Variants in ATP9B observed in about 807,000 individuals in gnomAD.
The protein encoded by ATP9B is probable phospholipid-transporting ATPase IIB.
ATP9B carries 110 observed loss-of-function variants against 146.1 expected under a neutral mutation model. That is an observed-to-expected ratio of 0.75 (90% CI 0.65 to 0.88). The LOEUF (loss-of-function observed/expected upper bound fraction) is 0.88, where lower values mean the gene tolerates loss of function less well. Ranked by LOEUF, ATP9B falls within the 40% of genes least tolerant of loss-of-function variation. ATP9B has a pLI of 0.00. For synonymous variants in ATP9B, 604 were observed against 569.7 expected, an observed-to-expected ratio of 1.06 and a Z score of -0.86; for missense variants, 1,499 against 1,496.4, an observed-to-expected ratio of 1.00 and a Z score of -0.03.
intron 7 of ATP9B, among the ~76,000 whole-genome samples, chr18:79,162,946 T>C (rs1424295451): frequency 6.6e-6 from 1 of 152,226 alleles, no homozygotes; most frequent in East Asian, 1.9e-4. Flanking sequence ...CATACACGAG[T>C]TGATCTTAAT....
intron 13 of ATP9B, among the ~76,000 whole-genome samples, chr18:79,291,181 A>G (rs1231265599): frequency 6.6e-6 from 1 of 151,124 alleles, no homozygotes; most frequent in Non-Finnish European, 1.5e-5. Flanking sequence ...TTTTTTTTTT[A>G]AGAAATCAGA....
chr18:79,311,931 T>G (rs2096654705), intron 15 of ATP9B, among the ~76,000 whole-genome samples: 1 of 152,226 alleles, frequency 6.6e-6, no homozygotes, highest in Non-Finnish European at 1.5e-5. Context: ...CTGTCCCCGG[T>G]GTGGCTGGGC....
chr18:79,324,246 T>G (rs2096732118), intron 15 of ATP9B, among the ~76,000 whole-genome samples: 1 of 152,172 alleles, frequency 6.6e-6, no homozygotes, highest in African/African-American at 2.4e-5. Flanking sequence ...TTTCTCTCAT[T>G]CTGTGGGTTT....
chr18:79,114,860 A>G (rs917408409), intron 4 of ATP9B: 1 of 152,820 alleles, frequency 6.5e-6, no homozygotes, highest in African/African-American at 2.4e-5. Context: ...TATATATCAA[A>G]GACCTGAAAA....
chr18:79,226,973 C>G (rs564347586), intron 11 of ATP9B, among the ~76,000 whole-genome samples: 3 of 152,178 alleles, frequency 2.0e-5, no homozygotes, highest in Non-Finnish European at 1.5e-5. Context: ...GCACCATATA[C>G]TAGGCACTGA....
Position 79,276,635 on chromosome 18 carries a change from C to T in ATP9B, c.1269-419C>T, listed in dbSNP as rs561334267. Among the ~76,000 whole-genome samples, 3 of 152,288 alleles carry T rather than the reference C, an allele frequency of 2.0e-5. No individual in the cohort carries two copies. In the South Asian group the frequency reaches 6.2e-4, roughly 32 times the overall value. ...TTGCGGGCATATACGGGCACACTCA[C>T]AACAGTCTGTTTTTCTGTCCCATCT... On this transcript the variant is annotated intron_variant, in intron 12 of 29. Transcript: ENST00000426216.
At chr18:79,209,791 A>C (rs1400155151) in intron 10 of ATP9B, 1 of 517,870 alleles carries the variant, frequency 1.9e-6, no homozygotes, top group Admixed American at 6.4e-5. Context: ...CTTTTAGTAC[A>C]TACATATCTT....
intron 11 of ATP9B, among the ~76,000 whole-genome samples, chr18:79,240,769 T>A (rs767347124): frequency 1.1e-4 from 17 of 151,964 alleles, no homozygotes; most frequent in Non-Finnish European, 2.1e-4. Context: ...AAAAAGAAGG[T>A]TCAACCAGAG....
rs897009272 is a variant in ATP9B, at chr18:79,228,538, A to G, written c.1107+14500A>G. 2.0e-5 allele frequency among the ~76,000 whole-genome samples: 3 copies of G among 152,224 alleles called. No individual in the cohort carries two copies. The South Asian group carries it at 6.2e-4, about 31-fold the overall frequency. On this transcript the variant is annotated intron_variant, in intron 11 of 29. Transcript: ENST00000426216. ...CATTGGTTGGGGATTAGAAATAAAC[A>G]CAGTCTTTAAAGAGATTATAATCAG...
intron 5 of ATP9B, among the ~76,000 whole-genome samples, chr18:79,138,311 G>T (rs540518322): frequency 3.2e-4 from 49 of 152,226 alleles, no homozygotes; most frequent in African/African-American, 1.1e-3. Context: ...AAACTAATAT[G>T]CTCAAGTGAC....
chr18:79,319,985 A>G (rs1490059535), intron 15 of ATP9B, among the ~76,000 whole-genome samples: 2 of 152,236 alleles, frequency 1.3e-5, no homozygotes, highest in African/African-American at 2.4e-5. Flanking sequence ...CTTTAAACTC[A>G]GAGCCCAGAT....
intron 5 of ATP9B, among the ~76,000 whole-genome samples, chr18:79,143,216 A>G (rs2094535203): frequency 6.6e-6 from 1 of 152,230 alleles, no homozygotes; most frequent in Non-Finnish European, 1.5e-5. Context: ...ATATTTAAGT[A>G]TATATGAAAC....
chr18:79,321,976 TGTG>T (rs1196692875), intron 15 of ATP9B, among the ~76,000 whole-genome samples: 1 of 152,208 alleles, frequency 6.6e-6, no homozygotes. Flanking sequence ...ATTTACAGCT[TGTG>T]GAGAAGAAGT....
intron 10 of ATP9B, among the ~76,000 whole-genome samples, chr18:79,208,214 T>C (rs926186377): frequency 1.2e-4 from 18 of 152,230 alleles, no homozygotes; most frequent in African/African-American, 3.1e-4. Flanking sequence ...CACTGCACTC[T>C]AGCCTGGGCG....
chr18:79,352,797 A>G (rs2096929421), intron 25 of ATP9B: 1 of 152,220 alleles, frequency 6.6e-6, no homozygotes, highest in Admixed American at 6.5e-5. Context: ...CTTCCTAAGC[A>G]TGAACATCGT....
chr18:79,262,767 A>G (rs2096157131), intron 12 of ATP9B, among the ~76,000 whole-genome samples: 1 of 152,224 alleles, frequency 6.6e-6, no homozygotes, highest in Non-Finnish European at 1.5e-5. Flanking sequence ...TCTAGCACTT[A>G]GCACCCGTAT....
At chr18:79,314,042 C>A (rs1256180140) in intron 15 of ATP9B, among the ~76,000 whole-genome samples, 3 of 152,144 alleles carry the variant, frequency 2.0e-5, no homozygotes, top group Non-Finnish European at 4.4e-5. Context: ...CACCAAAGTA[C>A]CGTTTTAAAA....
rs146580048 is a variant in ATP9B at position 79,359,422 on chromosome 18, T to A, written c.2972T>A (p.Met991Lys). ...CTGGACCAGGACGTGAAGCCAGAGATGGCGATGCTCTACCCGGAGCTGTAC... is the reference window on the plus strand; with the variant it reads ...CTGGACCAGGACGTGAAGCCAGAGAAGGCGATGCTCTACCCGGAGCTGTAC... ...LVLDQDVKPE[M>K]AMLYPELYKD... The change falls in exon 26 of 30, where the codon ATG becomes AAG. Residue 991 changes from methionine to lysine, a missense_variant. Transcript: ENST00000426216. The A allele has an allele frequency of 9.3e-5, 150 of 1,614,050 alleles. No individual in the cohort carries two copies. Among genetic ancestry groups the A allele is most frequent in the Non-Finnish European group, 1.2e-4 (141 of 1,179,938 alleles).
intron 11 of ATP9B, among the ~76,000 whole-genome samples, chr18:79,226,138 C>T (rs749866095): frequency 2.6e-5 from 4 of 152,234 alleles, no homozygotes; most frequent in Non-Finnish European, 5.9e-5. Context: ...GCTCTGCCGC[C>T]CTCTCTTCCT....
Sources: gnomAD v4.1 joint callset for allele counts (sites outside exome capture counted in the v4.1 genomes callset) on GRCh38, gnomAD v4.1.1 for gene constraint, MANE v1.5 for transcripts, NCBI Gene and HGNC (gene_info 2026-07-23, HGNC 2026-07-21) for gene names.